RAD51B: variants seen among roughly 807,000 people sequenced by gnomAD.
The protein encoded by RAD51B is RAD51 paralog B.
A neutral mutation model predicts 42.2 loss-of-function variants in RAD51B; 38 were observed. The ratio of observed to expected loss-of-function variants is 0.90; its 90% CI spans 0.70 to 1.18. The LOEUF (loss-of-function observed/expected upper bound fraction) is 1.18, where lower values mean the gene tolerates loss of function less well. RAD51B is among the 50% of genes most tolerant of loss of function. The pLI is 0.00. For synonymous variants in RAD51B, 154 were observed against 145.2 expected, an observed-to-expected ratio of 1.06 and a Z score of -0.43; for missense variants, 373 against 400.7, an observed-to-expected ratio of 0.93 and a Z score of 0.59.
chr14:67,831,664 G>A (rs551823580), intron 3 of RAD51B, among the ~76,000 whole-genome samples: 163 of 152,130 alleles, frequency 1.1e-3, no homozygotes, highest in Non-Finnish European at 1.9e-3. Context: ...AGCCCCCTGA[G>A]TAGCTGGGAT....
At chr14:68,398,186 G>A (rs1462835900) in intron 8 of RAD51B, among the ~76,000 whole-genome samples, 1 of 152,240 alleles carries the variant, frequency 6.6e-6, no homozygotes, top group Non-Finnish European at 1.5e-5. Flanking sequence ...CTCTCCCTCT[G>A]ACCAGGTGAA....
At chr14:68,005,875 G>C (rs768021644) in intron 7 of RAD51B, among the ~76,000 whole-genome samples, 8 of 152,154 alleles carry the variant, frequency 5.3e-5, no homozygotes, top group Non-Finnish European at 8.8e-5. Flanking sequence ...AAGAAACTTT[G>C]AATCATGGCA....
intron 10 of RAD51B, among the ~76,000 whole-genome samples, chr14:68,473,307 A>G (rs966017293): frequency 1.3e-5 from 2 of 152,234 alleles, no homozygotes; most frequent in African/African-American, 4.8e-5. Context: ...AAGGCAAAGC[A>G]GGCCTGTCAC....
chr14:68,077,708 C>A (rs1231069960), intron 7 of RAD51B, among the ~76,000 whole-genome samples: 1 of 152,228 alleles, frequency 6.6e-6, no homozygotes, highest in Non-Finnish European at 1.5e-5. Flanking sequence ...GTAATCCCAG[C>A]ACTTTGGGAG....
At chr14:68,203,913 G>A (rs1380292749) in intron 7 of RAD51B, among the ~76,000 whole-genome samples, 1 of 152,248 alleles carries the variant, frequency 6.6e-6, no homozygotes, top group Admixed American at 6.5e-5. Context: ...GAATTGAAGA[G>A]TTAAGCCCTT....
At position 68,391,919 on chromosome 14, in the gene RAD51B, G is replaced by A. The variant is rs74983055; in HGVS notation, c.854-19505G>A. ...TTTCCAAGGTCATTATTCTGGTTGC[G>A]GGGGCTGCTTCCCCTACAAATAAAT... On this transcript the variant is annotated intron_variant, in intron 8 of 10. Transcript: ENST00000471583. 4.1e-3 allele frequency among the ~76,000 whole-genome samples: 630 copies of A among 152,240 alleles called. 2 individuals carry two copies. The highest frequency in any genetic ancestry group is 0.014 in the African/African-American group (588 of 41,542).
chr14:67,901,635 C>T (rs1479633361), intron 7 of RAD51B, among the ~76,000 whole-genome samples: 1 of 152,144 alleles, frequency 6.6e-6, no homozygotes, highest in Non-Finnish European at 1.5e-5. Context: ...TACCCAGAAT[C>T]ACAATACAGT....
At chr14:68,357,666 C>T (rs1252166610) in intron 8 of RAD51B, among the ~76,000 whole-genome samples, 1 of 152,134 alleles carries the variant, frequency 6.6e-6, no homozygotes, top group Non-Finnish European at 1.5e-5. Context: ...CAACATTAAC[C>T]TTGTACATCT....
intron 10 of RAD51B, among the ~76,000 whole-genome samples, chr14:68,577,221 G>T (rs978712136): frequency 6.6e-6 from 1 of 152,202 alleles, no homozygotes; most frequent in Non-Finnish European, 1.5e-5. Flanking sequence ...ATGGGTCCGG[G>T]AGAGAGTTGG....
chr14:68,157,820 A>T (rs1444274406), intron 7 of RAD51B, among the ~76,000 whole-genome samples: 1 of 152,208 alleles, frequency 6.6e-6, no homozygotes, highest in African/African-American at 2.4e-5. Flanking sequence ...TCAGAAAACC[A>T]TAGGAGTCAG....
intron 7 of RAD51B, among the ~76,000 whole-genome samples, chr14:67,918,102 T>G (rs1049095108): frequency 2.6e-5 from 4 of 151,728 alleles, no homozygotes; most frequent in African/African-American, 9.7e-5. Flanking sequence ...TCCCAGAATA[T>G]AAAAGCCAAA....
At chr14:68,464,885 T>C (rs1319264595) in intron 9 of RAD51B, among the ~76,000 whole-genome samples, 1 of 152,202 alleles carries the variant, frequency 6.6e-6, no homozygotes, top group Non-Finnish European at 1.5e-5. Flanking sequence ...AGAAGGACAG[T>C]GCATTAATCA....
At chr14:67,927,302 T>A (rs2044550478) in intron 7 of RAD51B, among the ~76,000 whole-genome samples, 1 of 152,220 alleles carries the variant, frequency 6.6e-6, no homozygotes, top group Non-Finnish European at 1.5e-5. Flanking sequence ...TGATCAAGTC[T>A]CCATCATCAT....
At chr14:68,493,112 T>C (rs554293567) in intron 10 of RAD51B, among the ~76,000 whole-genome samples, 3 of 152,248 alleles carry the variant, frequency 2.0e-5, no homozygotes, top group African/African-American at 7.2e-5. Flanking sequence ...TTCCTCCCTT[T>C]GTGCATTTGG....
intron 11 of RAD51B, chr14:68,682,910 C>CTT (rs535044457): frequency 0.043 from 29,934 of 697,854 alleles, 1,299 homozygotes; most frequent in Admixed American, 0.12. Flanking sequence ...TAGCTTATGG[C>CTT]TTTTTTTTTT....
intron 10 of RAD51B, among the ~76,000 whole-genome samples, chr14:68,587,618 C>A (rs904653123): frequency 3.3e-5 from 5 of 151,946 alleles, no homozygotes; most frequent in African/African-American, 1.2e-4. Flanking sequence ...GCACATCCAT[C>A]CCCCCCGAGA....
At chr14:67,820,451 T>A (rs2040586995) in intron 1 of RAD51B, among the ~76,000 whole-genome samples, 2 of 152,272 alleles carry the variant, frequency 1.3e-5, no homozygotes, top group South Asian at 4.2e-4. Context: ...GAATTTTCTT[T>A]TCTTGGTGGT....
At chr14:68,504,102 G>C (rs963544161) in intron 10 of RAD51B, among the ~76,000 whole-genome samples, 1 of 152,090 alleles carries the variant, frequency 6.6e-6, no homozygotes, top group Non-Finnish European at 1.5e-5. Context: ...TTCGTTTTAG[G>C]CATGGACACA....
intron 10 of RAD51B, among the ~76,000 whole-genome samples, chr14:68,622,799 G>A (rs148093905): frequency 1.6e-4 from 24 of 151,184 alleles, no homozygotes; most frequent in Non-Finnish European, 2.5e-4. Flanking sequence ...GCTATGTGCT[G>A]TTCATTCAAT....
Sources: gnomAD v4.1 joint callset for allele counts (sites outside exome capture counted in the v4.1 genomes callset) on GRCh38, gnomAD v4.1.1 for gene constraint, MANE v1.5 for transcripts, NCBI Gene and HGNC (gene_info 2026-07-23, HGNC 2026-07-21) for gene names.